The following BCAR3 variants were observed in gnomAD, a reference collection of about 807,000 sequenced individuals.
The protein encoded by BCAR3 is breast cancer anti-estrogen resistance protein 3.
BCAR3 carries 37 observed loss-of-function variants against 80.1 expected under a neutral mutation model. The observed-to-expected ratio is 0.46, with a 90% CI of 0.36 to 0.61. The LOEUF (loss-of-function observed/expected upper bound fraction) is 0.61, where lower values mean the gene tolerates loss of function less well. Among genes scored for constraint, BCAR3 ranks in the 20% least tolerant of loss-of-function variants. The pLI, the probability that BCAR3 is intolerant of heterozygous loss-of-function variation, is 0.00. For missense variants in BCAR3, 978 were observed against 1,068.2 expected (o/e 0.92, Z 1.18); for synonymous variants, 389 against 418.9 (o/e 0.93, Z 0.87).
chr1:93,596,882 C>T (rs912846419), intron 3 of BCAR3, among the ~76,000 whole-genome samples: 1 of 152,150 alleles, frequency 6.6e-6, no homozygotes, highest in Non-Finnish European at 1.5e-5. Context: ...CCTGAGCTCA[C>T]CCCACACAGC....
chr1:93,604,262 G>A (rs957012612), intron 3 of BCAR3, among the ~76,000 whole-genome samples: 2 of 152,168 alleles, frequency 1.3e-5, no homozygotes, highest in African/African-American at 2.4e-5. Flanking sequence ...AGACCCTAGT[G>A]CAGACAAGAA....
intron 5 of BCAR3, among the ~76,000 whole-genome samples, chr1:93,585,947 T>C (rs1673926403): frequency 6.6e-6 from 1 of 152,146 alleles, no homozygotes; most frequent in Admixed American, 6.5e-5. Context: ...AGTAGGTGTA[T>C]ATATTTATGG....
chr1:93,571,528 A>C, intron 9 of BCAR3, 142 bp downstream of exon 9: 1 of 1,080,202 alleles, frequency 9.3e-7, no homozygotes, highest in Middle Eastern at 2.0e-4. Flanking sequence ...CCAAATACTT[A>C]GGACACTGTC....
intron 2 of BCAR3, among the ~76,000 whole-genome samples, chr1:93,712,725 A>G (rs1022637633): frequency 3.9e-5 from 6 of 152,168 alleles, no homozygotes; most frequent in Non-Finnish European, 8.8e-5. Context: ...ATGGCATAGG[A>G]ACCATTATCA....
At chr1:93,686,059 G>T (rs1648963731), upstream of BCAR3, among the ~76,000 whole-genome samples, 2 of 152,080 alleles carry the variant, frequency 1.3e-5, no homozygotes, top group African/African-American at 2.4e-5. Flanking sequence ...AATATTAAAA[G>T]GGGTGACATA....
At chr1:93,829,616 G>A (rs535145424) in intron 2 of BCAR3, among the ~76,000 whole-genome samples, 52 of 151,856 alleles carry the variant, frequency 3.4e-4, no homozygotes, top group African/African-American at 1.2e-3. Flanking sequence ...CTCCCAAAGT[G>A]CTGGGATTAC....
chr1:93,582,984 C>T, intron 6 of BCAR3, 31 bp from the exon 7 acceptor site: 1 of 1,553,324 alleles, frequency 6.4e-7, no homozygotes, highest in Non-Finnish European at 8.7e-7. Flanking sequence ...TCAGAGAAAG[C>T]TCATCTGTGT....
intron 2 of BCAR3, among the ~76,000 whole-genome samples, chr1:93,813,774 AG>A (rs1653926788): frequency 6.6e-6 from 1 of 152,256 alleles, no homozygotes; most frequent in African/African-American, 2.4e-5. Flanking sequence ...GTTCAAATTC[AG>A]ATTACGTCAA....
At chr1:93,842,980 T>C (rs972361101) in intron 2 of BCAR3, among the ~76,000 whole-genome samples, 5 of 152,232 alleles carry the variant, frequency 3.3e-5, no homozygotes, top group Non-Finnish European at 5.9e-5. Context: ...AAGCCCTTCA[T>C]TTCAATGTTG....
chr1:93,679,459 G>A (rs193004518), intron 1 of BCAR3, among the ~76,000 whole-genome samples: 3 of 152,258 alleles, frequency 2.0e-5, no homozygotes, highest in African/African-American at 4.8e-5. Context: ...ACAGACACAC[G>A]TACAGGCAAA....
chr1:93,730,631 T>G (rs550078540), intron 2 of BCAR3, among the ~76,000 whole-genome samples: 1 of 152,338 alleles, frequency 6.6e-6, no homozygotes, highest in African/African-American at 2.4e-5. Context: ...CCCTGTTAGA[T>G]GCTCTACTTG....
chr1:93,569,005 C>T (rs1382342772), intron 9 of BCAR3, among the ~76,000 whole-genome samples: 1 of 152,126 alleles, frequency 6.6e-6, no homozygotes, highest in Non-Finnish European at 1.5e-5. Context: ...TTTTCTTCTG[C>T]AGGTAACTCA....
At chr1:93,845,502 A>ATATATATCTTGTCAAG in intron 2 of BCAR3, 1 of 113,822 alleles carries the variant, frequency 8.8e-6, no homozygotes, top group Non-Finnish European at 1.8e-5. Context: ...ATATATATAT[A>ATATATATCTTGTCAAG]AAACTTTGTT....
chr1:93,821,529 C>A (rs58790885), intron 2 of BCAR3, among the ~76,000 whole-genome samples: 13,873 of 152,242 alleles, frequency 0.091, 1,283 homozygotes, highest in African/African-American at 0.23. Flanking sequence ...GGCCTTTCAA[C>A]ATGCAGTTAC....
At chr1:93,678,563 G>A (rs551438670) in intron 1 of BCAR3, among the ~76,000 whole-genome samples, 1 of 152,280 alleles carries the variant, frequency 6.6e-6, no homozygotes, top group East Asian at 1.9e-4. Flanking sequence ...GGTGTACCAA[G>A]GCTAAGGATA....
At chr1:93,600,304 C>G (rs1334650551) in intron 3 of BCAR3, among the ~76,000 whole-genome samples, 1 of 152,134 alleles carries the variant, frequency 6.6e-6, no homozygotes, top group East Asian at 1.9e-4. Context: ...TGCAGACACA[C>G]TGGGATTTGG....
chr1:93,585,456 T>TAGTCC (rs1673902859), intron 5 of BCAR3, among the ~76,000 whole-genome samples: 1 of 142,652 alleles, frequency 7.0e-6, no homozygotes, highest in Non-Finnish European at 1.5e-5. Context: ...GACTTAGTCT[T>TAGTCC]TTTTTCATTT....
intron 2 of BCAR3, chr1:93,754,267 A>G (rs1571098980): frequency 6.6e-6 from 1 of 152,208 alleles, no homozygotes; most frequent in African/African-American, 2.4e-5. Context: ...CCCACATCCT[A>G]CTGGATTCCT....
intron 2 of BCAR3, among the ~76,000 whole-genome samples, chr1:93,761,424 C>A (rs1651943004): frequency 6.6e-6 from 1 of 152,214 alleles, no homozygotes; most frequent in Non-Finnish European, 1.5e-5. Context: ...TAATACCTAA[C>A]ACCTTAGTAG....
Sources: allele counts gnomAD v4.1 joint callset (sites outside exome capture counted in the v4.1 genomes callset), GRCh38; gene constraint gnomAD v4.1.1; transcripts MANE v1.5; gene names NCBI Gene and HGNC (gene_info 2026-07-23, HGNC 2026-07-21).